Variants in BMPR1A observed in about 807,000 individuals in gnomAD.
BMPR1A encodes the protein bone morphogenetic protein receptor type 1A.
A neutral mutation model predicts 66.0 loss-of-function variants in BMPR1A; 7 were observed. The ratio of observed to expected loss-of-function variants is 0.11; its 90% CI spans 0.06 to 0.20. The LOEUF is 0.20. Among genes scored for constraint, BMPR1A ranks in the 10% least tolerant of loss-of-function variants. BMPR1A has a pLI of 1.00. For synonymous variants in BMPR1A, 200 were observed against 229.7 expected (o/e 0.87, Z 1.17); for missense variants, 408 against 669.1 (o/e 0.61, Z 4.31).
At chr10:86,850,043 G>A (rs1191930543) in intron 2 of BMPR1A, among the ~76,000 whole-genome samples, 3 of 152,076 alleles carry the variant, frequency 2.0e-5, no homozygotes, top group Admixed American at 6.6e-5. Flanking sequence ...TACTCAGGCC[G>A]GGTGCAGTGG....
chr10:86,769,646 A>G (rs1166051062), intron 1 of BMPR1A, among the ~76,000 whole-genome samples: 1 of 152,206 alleles, frequency 6.6e-6, no homozygotes, highest in Non-Finnish European at 1.5e-5. Flanking sequence ...CATTGCAGCT[A>G]TTAGTTTGCC....
rs1843763574 is a variant in BMPR1A at position 86,927,745 on chromosome 10, G to T, written c.*4026G>T. 5.0e-6 allele frequency: 1 copy of T among 198,638 alleles called. No individual in the cohort carries two copies. Among genetic ancestry groups the T allele is most frequent in the Non-Finnish European group, 1.0e-5 (1 of 96,350 alleles). 12.3% of individuals were successfully genotyped at this position (198,638 alleles called of 1,614,324 possible). ...AAATATCATTATTGCTTCATTAGGG[G>T]AAACTGTACATAGGCATTGAAAGAA... On this transcript the variant is annotated 3_prime_UTR_variant, in exon 13 of 13. Coordinates refer to ENST00000372037, the MANE Select transcript of BMPR1A (RefSeq NM_004329.3).
intron 8 of BMPR1A, among the ~76,000 whole-genome samples, chr10:86,916,563 A>C (rs1263802958): frequency 6.6e-6 from 1 of 152,236 alleles, no homozygotes; most frequent in African/African-American, 2.4e-5. Context: ...CTAAGCCCTG[A>C]GTCTGTGGAC....
intron 1 of BMPR1A, among the ~76,000 whole-genome samples, chr10:86,802,197 A>T (rs548292046): frequency 6.6e-6 from 1 of 151,956 alleles, no homozygotes; most frequent in African/African-American, 2.4e-5. Context: ...ATAGCCTTCC[A>T]CCTCTTTCAG....
intron 1 of BMPR1A, among the ~76,000 whole-genome samples, chr10:86,787,497 T>C (rs920570178): frequency 6.6e-6 from 1 of 152,208 alleles, no homozygotes; most frequent in African/African-American, 2.4e-5. Context: ...ACAAATGCTG[T>C]CTGTATTTAA....
chr10:86,906,905 C>G (rs1843402651), intron 7 of BMPR1A, among the ~76,000 whole-genome samples: 1 of 151,918 alleles, frequency 6.6e-6, no homozygotes, highest in Admixed American at 6.6e-5. Context: ...CAGGTAACTT[C>G]TATTTACCTA....
chr10:86,826,440 A>ACACACACC (rs1313633589), intron 1 of BMPR1A, among the ~76,000 whole-genome samples: 8 of 151,030 alleles, frequency 5.3e-5, no homozygotes, highest in African/African-American at 1.7e-4. Context: ...ACACACACAC[A>ACACACACC]CCCGCTTTTG....
intron 2 of BMPR1A, 42 bp downstream of exon 2, chr10:86,839,021 A>AT (rs1456250216): frequency 6.6e-6 from 1 of 152,130 alleles, no homozygotes; most frequent in East Asian, 1.9e-4. Flanking sequence ...GAAATTTCTC[A>AT]TTTTTTAATA....
intron 1 of BMPR1A, among the ~76,000 whole-genome samples, chr10:86,790,823 G>A (rs1198111267): frequency 2.0e-5 from 3 of 152,120 alleles, no homozygotes; most frequent in Non-Finnish European, 2.9e-5. Flanking sequence ...TGAATATGCC[G>A]ATAGCTACTG....
At chr10:86,837,132 T>C (rs1345222014) in intron 1 of BMPR1A, among the ~76,000 whole-genome samples, 2 of 152,158 alleles carry the variant, frequency 1.3e-5, no homozygotes. Flanking sequence ...GGAAACAATG[T>C]TTTAGTAAAT....
At chr10:86,801,676 ACTTCCTGTC>A (rs958651755) in intron 1 of BMPR1A, among the ~76,000 whole-genome samples, 3 of 151,638 alleles carry the variant, frequency 2.0e-5, no homozygotes, top group African/African-American at 7.3e-5. Flanking sequence ...TGCTTGCAAC[ACTTCCTGTC>A]CTTCACCTTC....
intron 7 of BMPR1A, among the ~76,000 whole-genome samples, chr10:86,910,069 A>G (rs572836424): frequency 1.3e-5 from 2 of 152,320 alleles, no homozygotes; most frequent in Admixed American, 1.3e-4. Flanking sequence ...GCAGTGGCAC[A>G]CATCTGTAAT....
chr10:86,912,769 T>C (rs1430494204), intron 8 of BMPR1A, among the ~76,000 whole-genome samples: 2 of 152,140 alleles, frequency 1.3e-5, no homozygotes, highest in African/African-American at 4.8e-5. Context: ...TTTAAACTGA[T>C]TGATTGAGGG....
rs569319386 is a variant in BMPR1A, at chr10:86,892,084, T to C, written c.231-43T>C. 3 of 1,516,000 alleles carry C rather than the reference T, an allele frequency of 2.0e-6. No individual in the cohort carries two copies. The African/African-American group carries it at 4.1e-5, about 21-fold the overall frequency. The allele number at this position is 1,516,000 out of a possible 1,614,324, so 93.9% of individuals were successfully genotyped here. On this transcript the variant is annotated intron_variant, in intron 4 of 12. Transcript: ENST00000372037. ...ACTCAAATTTCGTTAGTACTTTCTATGTGAATTTATGTTTTGTTTTGTTTT... is the reference window on the plus strand; with the variant it reads ...ACTCAAATTTCGTTAGTACTTTCTACGTGAATTTATGTTTTGTTTTGTTTT...
At chr10:86,855,141 C>T (rs1327146906) in intron 2 of BMPR1A, 5 of 368,104 alleles carry the variant, frequency 1.4e-5, no homozygotes, top group African/African-American at 2.1e-5. Flanking sequence ...CATCAGGTCT[C>T]GAACTCCTGA....
At chr10:86,760,439 T>C (rs1030184361) in intron 1 of BMPR1A, among the ~76,000 whole-genome samples, 3 of 151,982 alleles carry the variant, frequency 2.0e-5, no homozygotes, top group Middle Eastern at 3.4e-3. Flanking sequence ...GGTTTTGCCA[T>C]GTTGGCCAGG....
At chr10:86,774,400 G>T (rs1841313095) in intron 1 of BMPR1A, among the ~76,000 whole-genome samples, 1 of 151,750 alleles carries the variant, frequency 6.6e-6, no homozygotes, top group Admixed American at 6.6e-5. Context: ...AGCCTGAATT[G>T]TAAGAAGGAA....
intron 1 of BMPR1A, among the ~76,000 whole-genome samples, chr10:86,773,995 C>T (rs1841306866): frequency 6.6e-6 from 1 of 151,718 alleles, no homozygotes; most frequent in Non-Finnish European, 1.5e-5. Context: ...GAATTACAGG[C>T]GTCTGCCACT....
At chr10:86,905,930 T>G (rs566212696) in intron 7 of BMPR1A, among the ~76,000 whole-genome samples, 1 of 152,286 alleles carries the variant, frequency 6.6e-6, no homozygotes, top group East Asian at 1.9e-4. Flanking sequence ...AAAAATGCCC[T>G]ATATGTACAC....
Sources: allele counts gnomAD v4.1 joint callset (sites outside exome capture counted in the v4.1 genomes callset), GRCh38; gene constraint gnomAD v4.1.1; transcripts MANE v1.5; gene names NCBI Gene and HGNC (gene_info 2026-07-23, HGNC 2026-07-21).